The following LRRC39 variants were observed in gnomAD, a reference collection of about 807,000 sequenced individuals.
LRRC39 encodes the protein leucine rich repeat containing 39.
A neutral mutation model predicts 39.7 loss-of-function variants in LRRC39; 35 were observed. The observed-to-expected ratio is 0.88, with a 90% confidence interval of 0.67 to 1.17. The LOEUF is 1.17. Ranked by LOEUF, LRRC39 falls within the 50% of genes most tolerant of loss-of-function variation. The pLI is 0.00. For synonymous variants in LRRC39, 113 were observed against 134.1 expected, an observed-to-expected ratio of 0.84 and a Z score of 1.09; for missense variants, 357 against 385.8, an observed-to-expected ratio of 0.93 and a Z score of 0.62.
intron 3 of LRRC39, among the ~76,000 whole-genome samples, chr1:100,161,559 A>C (rs962949464): frequency 2.0e-5 from 3 of 152,148 alleles, no homozygotes; most frequent in Non-Finnish European, 2.9e-5. Flanking sequence ...ATGAATATTG[A>C]TGTACAAATT....
In LRRC39 at chr1:100,149,203, G is replaced by A. The variant is rs997901437; in HGVS notation, c.953-106C>T. The A allele has an allele frequency of 9.4e-6, 14 of 1,491,092 alleles. No individual in the cohort carries two copies. In the South Asian group the frequency reaches 1.4e-4, roughly 15 times the overall value. 92.4% of individuals were successfully genotyped at this position (1,491,092 alleles called of 1,614,324 possible). A position where few individuals can be genotyped will look rare whatever the true frequency, so the allele number is the denominator to read the frequency against. ...TTATTTAATATTTTTTATTTCTTAA[G>A]TTCAAGAGGTAGTGATTGATTGTAA... On this transcript the variant is annotated intron_variant, in intron 9 of 9. Coordinates refer to ENST00000370137, the MANE Select transcript of LRRC39 (RefSeq NM_144620.4).
At chr1:100,156,439 A>G in intron 6 of LRRC39, 122 bp from the exon 7 acceptor site, 1 of 862,152 alleles carries the variant, frequency 1.2e-6, no homozygotes, top group Non-Finnish European at 1.7e-6. Flanking sequence ...GGCTTTATTT[A>G]GTCATATTAG....
At chr1:100,149,444 A>G in intron 9 of LRRC39, 1 of 1,537,906 alleles carries the variant, frequency 6.5e-7, no homozygotes, top group East Asian at 2.5e-5. Flanking sequence ...AGCTGTTTTC[A>G]AAGAAAAAAG....
intron 3 of LRRC39, among the ~76,000 whole-genome samples, chr1:100,167,057 A>G (rs1457130366): frequency 6.6e-6 from 1 of 152,194 alleles, no homozygotes; most frequent in East Asian, 1.9e-4. Context: ...ATCTAAACCA[A>G]TCAGTCTCAT....
intron 4 of LRRC39, among the ~76,000 whole-genome samples, chr1:100,159,765 G>C (rs1200818180): frequency 1.3e-5 from 2 of 151,810 alleles, no homozygotes; most frequent in African/African-American, 4.8e-5. Flanking sequence ...TATTGAAAAT[G>C]AGACAATCCA....
chr1:100,178,350 G>A (rs192487735), upstream of LRRC39: 1 of 152,150 alleles, frequency 6.6e-6, no homozygotes, highest in Non-Finnish European at 1.5e-5. Context: ...ATGTATGTGA[G>A]TGCGTTCTGT....
intron 1 of LRRC39, among the ~76,000 whole-genome samples, chr1:100,175,393 C>G (rs1245719088): frequency 6.2e-5 from 9 of 144,864 alleles, no homozygotes; most frequent in Non-Finnish European, 9.0e-5. Context: ...TCTCCACATT[C>G]TCCAGGCTGG....
intron 1 of LRRC39, among the ~76,000 whole-genome samples, chr1:100,173,578 T>C (rs1236779465): frequency 6.6e-6 from 1 of 152,160 alleles, no homozygotes; most frequent in Non-Finnish European, 1.5e-5. Context: ...AGATGTCTGC[T>C]CTCACTACTT....
At chr1:100,149,611 A>C in intron 9 of LRRC39, 1 of 520,196 alleles carries the variant, frequency 1.9e-6, no homozygotes, top group Non-Finnish European at 3.3e-6. Context: ...GGCACAAACA[A>C]TAAGTATGTT....
chr1:100,158,646 C>A (rs889225195), intron 5 of LRRC39, among the ~76,000 whole-genome samples: 2 of 151,912 alleles, frequency 1.3e-5, no homozygotes, highest in Non-Finnish European at 2.9e-5. Flanking sequence ...CCGTGTTAGC[C>A]AGGATGGTCG....
intron 6 of LRRC39, among the ~76,000 whole-genome samples, chr1:100,157,963 G>T (rs545345034): frequency 6.6e-6 from 1 of 152,274 alleles, no homozygotes; most frequent in African/African-American, 2.4e-5. Flanking sequence ...TCAATTCTGA[G>T]ACTATAATAC....
chr1:100,152,884 G>A (rs774529006), intron 8 of LRRC39, among the ~76,000 whole-genome samples: 7 of 152,040 alleles, frequency 4.6e-5, no homozygotes, highest in African/African-American at 1.4e-4. Flanking sequence ...ACACCATGAC[G>A]CCCGGCCAAT....
rs1183781913 is a variant in LRRC39, at chr1:100,160,261, G to C, written c.219+205C>G. Among the ~76,000 whole-genome samples, 9 of 152,164 alleles carry C rather than the reference G, an allele frequency of 5.9e-5. No homozygotes were observed. The East Asian group carries it at 1.7e-3, about 29-fold the overall frequency. ...AATATCACAAATGATTTAGGTTTAGGCAGGGTTGAAGCAAACTGAACTTTT... is the reference window on the plus strand; with the variant it reads ...AATATCACAAATGATTTAGGTTTAGCCAGGGTTGAAGCAAACTGAACTTTT... On this transcript the variant is annotated intron_variant, in intron 4 of 9. Coordinates refer to ENST00000370137, the MANE Select transcript of LRRC39 (RefSeq NM_144620.4).
At chr1:100,158,688 G>C (rs1166997738) in intron 5 of LRRC39, among the ~76,000 whole-genome samples, 3 of 151,470 alleles carry the variant, frequency 2.0e-5, no homozygotes, top group Non-Finnish European at 4.4e-5. Context: ...CGCCTGCCTC[G>C]GCCTCCTAAA....
intron 8 of LRRC39, among the ~76,000 whole-genome samples, chr1:100,154,320 GA>G (rs949734215): frequency 1.9e-3 from 289 of 151,292 alleles, no homozygotes; most frequent in Admixed American, 3.7e-3. Context: ...CTTTTCTCAA[GA>G]AAAAAAATTC....
chr1:100,148,690 G>A lies in LRRC39; in HGVS notation c.*352C>T, dbSNP rs1657620729. 5 of 1,613,248 alleles carry A rather than the reference G, an allele frequency of 3.1e-6. No individual in the cohort carries two copies. In the East Asian group the frequency reaches 6.7e-5, roughly 22 times the overall value. Reference sequence around the variant, plus strand: ...TGTAAATTGCTGATTGACCAAGGTCGAATCCAGTATTTGCAGCAGAAGGGA... The same window carrying A: ...TGTAAATTGCTGATTGACCAAGGTCAAATCCAGTATTTGCAGCAGAAGGGA... On this transcript the variant is annotated 3_prime_UTR_variant, in exon 10 of 10. Coordinates refer to ENST00000370137, the MANE Select transcript of LRRC39 (RefSeq NM_144620.4).
chr1:100,150,723 C>T (rs552758677), intron 9 of LRRC39, among the ~76,000 whole-genome samples: 1 of 152,306 alleles, frequency 6.6e-6, no homozygotes, highest in East Asian at 1.9e-4. Context: ...GTGGGATATG[C>T]ATACAGCTAT....
At position 100,148,522 on chromosome 1, in the gene LRRC39, T is replaced by C. The variant is rs1657583195; in HGVS notation, c.*520A>G. 1.7e-6 allele frequency: 2 copies of C among 1,162,158 alleles called. No individual in the cohort carries two copies. The highest frequency in any genetic ancestry group is 2.5e-6 in the Non-Finnish European group (2 of 810,680). 72.0% of individuals were successfully genotyped at this position (1,162,158 alleles called of 1,614,324 possible). A position where few individuals can be genotyped will look rare whatever the true frequency, so the allele number is the denominator to read the frequency against. ...AGCATGGGACAAAGTACTTAGTACA[T>C]TATGGGTTAGTTAACAGTCTCTCAA... On this transcript the variant is annotated 3_prime_UTR_variant, in exon 10 of 10. Coordinates refer to ENST00000370137, the MANE Select transcript of LRRC39 (RefSeq NM_144620.4).
chr1:100,175,141 C>A (rs954927377), intron 1 of LRRC39, among the ~76,000 whole-genome samples: 3 of 151,844 alleles, frequency 2.0e-5, no homozygotes, highest in Admixed American at 1.3e-4. Flanking sequence ...AGTTAAACCT[C>A]TTTTCTTTGT....
Sources: allele counts gnomAD v4.1 joint callset (sites outside exome capture counted in the v4.1 genomes callset), GRCh38; gene constraint gnomAD v4.1.1; transcripts MANE v1.5; gene names NCBI Gene and HGNC (gene_info 2026-07-23, HGNC 2026-07-21).